The following TMPRSS9 variants were observed in gnomAD, a reference collection of about 807,000 sequenced individuals.
TMPRSS9 encodes the protein transmembrane protease serine 9.
Under a neutral mutation model 111.4 loss-of-function variants are expected in TMPRSS9, and 113 were observed. The ratio of observed to expected loss-of-function variants is 1.01; its 90% CI spans 0.87 to 1.19. TMPRSS9 has a LOEUF of 1.19. Among genes scored for constraint, TMPRSS9 ranks in the 50% most tolerant of loss-of-function variants. The probability of loss-of-function intolerance (pLI) is 0.00; values close to 1 mark genes in which losing one functional copy is unlikely to be tolerated. For missense variants in TMPRSS9, 1,803 were observed against 1,513.1 expected (o/e 1.19, Z -3.18); for synonymous variants, 805 against 659.1 (o/e 1.22, Z -3.39).
rs1027376774 is a variant in TMPRSS9 at position 2,374,248 on chromosome 19, CTTTTTTT to C, written c.-26+13919_-26+13925del. Among the ~76,000 whole-genome samples, 220 of 70,356 alleles carry C rather than the reference CTTTTTTT, an allele frequency of 3.1e-3. 2 individuals are homozygous for C. Among genetic ancestry groups the C allele is most frequent in the Non-Finnish European group, 3.6e-3 (132 of 36,494 alleles). The allele number at this position is 70,356 out of a possible 152,430, so 46.2% of individuals were successfully genotyped here. A position where few individuals can be genotyped will look rare whatever the true frequency, so the allele number is the denominator to read the frequency against. ...TTTCATGCTGATTTCTCTCAACAAT[CTTTTTTT>C]TTTTTTTTTTTTTTTTTTTTTTTTT... On this transcript the variant is annotated intron_variant, in intron 1 of 17. Coordinates refer to the TMPRSS9 transcript ENST00000649857.
At chr19:2,395,030 C>T (rs1196431673) in intron 1 of TMPRSS9, among the ~76,000 whole-genome samples, 1 of 152,200 alleles carries the variant, frequency 6.6e-6, no homozygotes, top group East Asian at 1.9e-4. Context: ...CCTGTCATCC[C>T]GGCACTTTGG....
At chr19:2,401,230 C>T (rs112721542) in intron 4 of TMPRSS9, among the ~76,000 whole-genome samples, 11,431 of 151,990 alleles carry the variant, frequency 0.075, 1,425 homozygotes, top group African/African-American at 0.26. Context: ...GCCGAGATCG[C>T]GCCACTGCTC....
Position 2,399,180 on chromosome 19 carries a change from G to A in TMPRSS9, c.501G>A (p.Ser167=), listed in dbSNP as rs376473008. 2,323 of 1,602,532 alleles carry A rather than the reference G, an allele frequency of 1.4e-3. 65 individuals are homozygous for A. In the South Asian group the frequency reaches 0.025, roughly 17 times the overall value. ...TGGCTGCCTATGGCACAATTGTGTC[G>A]GCTGAGCTCACAGGTGAGTGGGCAG... is the stretch of plus-strand genomic sequence containing the variant. The change falls in exon 4 of 18, where the codon TCG becomes TCA. Residue 167 remains serine (S), a synonymous_variant. Coordinates refer to ENST00000648592, the Ensembl canonical transcript of TMPRSS9.
intron 1 of TMPRSS9, among the ~76,000 whole-genome samples, chr19:2,379,580 A>T (rs72989423): frequency 0.026 from 3,861 of 149,862 alleles, 79 homozygotes; most frequent in Non-Finnish European, 0.041. Context: ...CCCACCCCAC[A>T]CTAGGCCCTG....
At chr19:2,425,549 G>A in intron 17 of TMPRSS9, 56 bp downstream of exon 18, 2 of 1,463,692 alleles carry the variant, frequency 1.4e-6, no homozygotes, top group South Asian at 1.3e-5. Context: ...GGGGAGGGCG[G>A]GTTCCCGCTG....
Position 2,415,625 on chromosome 19 carries a change from G to A in TMPRSS9, c.1574-45G>A, listed in dbSNP as rs377710195. ...ACCACCCCACCGGATGCTCCCACCCGAGCAGGCCAAGATCCCCAGACCTGG... is the reference window on the plus strand; with the variant it reads ...ACCACCCCACCGGATGCTCCCACCCAAGCAGGCCAAGATCCCCAGACCTGG... On this transcript the variant is annotated intron_variant, in intron 10 of 17. Transcript: ENST00000648592. 1.8e-5 allele frequency: 27 copies of A among 1,466,336 alleles called. No individual in the cohort carries two copies. The African/African-American group carries it at 2.4e-4, about 13-fold the overall frequency. The allele number at this position is 1,466,336 out of a possible 1,614,324, so 90.8% of individuals were successfully genotyped here. A position where few individuals can be genotyped will look rare whatever the true frequency, so the allele number is the denominator to read the frequency against.
chr19:2,384,739 T>C (rs1970438658), intron 1 of TMPRSS9, among the ~76,000 whole-genome samples: 1 of 144,660 alleles, frequency 6.9e-6, no homozygotes, highest in Admixed American at 7.3e-5. Context: ...GGTGTGAACC[T>C]GGGAAATGGA....
rs931600769 is a variant in TMPRSS9 at position 2,368,791 on chromosome 19, T to G, written c.-26+8431T>G. ...TAAACCCAGTTTTTTTTTTTTTTTT[T>G]TTTTTTTTTTAAAGACAGAGTCTCA... On this transcript the variant is annotated intron_variant, in intron 1 of 17. Transcript: ENST00000649857. 4.7e-3 allele frequency among the ~76,000 whole-genome samples: 560 copies of G among 119,372 alleles called. 24 individuals are homozygous for G. The highest frequency in any genetic ancestry group is 0.021 in the African/African-American group (541 of 26,332). The allele number at this position is 119,372 out of a possible 152,430, so 78.3% of individuals were successfully genotyped here.
intron 1 of TMPRSS9, among the ~76,000 whole-genome samples, chr19:2,363,813 C>CGCGT (rs1445768519): frequency 5.3e-5 from 6 of 112,804 alleles, no homozygotes; most frequent in African/African-American, 1.0e-4. Context: ...TGCGTGCGCG[C>CGCGT]GTGTGTGTGT....
chr19:2,410,559 G>A (rs552885092), intron 9 of TMPRSS9, among the ~76,000 whole-genome samples, 165 bp downstream of exon 10: 1 of 152,284 alleles, frequency 6.6e-6, no homozygotes, highest in African/African-American at 2.4e-5. Context: ...GCGATTCACA[G>A]ATATCTGGAT....
exon 16 of TMPRSS9, chr19:2,425,131 C>T: frequency 6.3e-7 from 1 of 1,581,572 alleles, no homozygotes; most frequent in South Asian, 1.1e-5. Context: ...TCGACTACGA[C>T]GTGGCGCTGC....
chr19:2,391,395 A>ATTTTTT (rs1568175757), intron 1 of TMPRSS9, among the ~76,000 whole-genome samples: 1 of 145,422 alleles, frequency 6.9e-6, no homozygotes, highest in Non-Finnish European at 1.5e-5. Context: ...TTTTTAAAAA[A>ATTTTTT]TATTTGTGGA....
At chr19:2,390,626 C>T (rs960557017) in intron 1 of TMPRSS9, among the ~76,000 whole-genome samples, 13 of 151,416 alleles carry the variant, frequency 8.6e-5, no homozygotes, top group African/African-American at 1.2e-4. Context: ...GAGGCTGAGG[C>T]GGGAGGACCA....
intron 4 of TMPRSS9, among the ~76,000 whole-genome samples, chr19:2,401,099 C>A (rs750785204): frequency 6.6e-6 from 1 of 151,364 alleles, no homozygotes; most frequent in Non-Finnish European, 1.5e-5. Context: ...ACGGTGAAAC[C>A]CCGTCTCTAC....
intron 5 of TMPRSS9, among the ~76,000 whole-genome samples, chr19:2,402,465 C>T (rs755690447): frequency 5.3e-5 from 8 of 151,562 alleles, no homozygotes; most frequent in Non-Finnish European, 1.0e-4. Context: ...TAAGGCCGGG[C>T]GCACTGGCTC....
intron 10 of TMPRSS9, 84 bp from the exon 12 acceptor site, chr19:2,415,586 A>C: frequency 1.6e-6 from 2 of 1,285,230 alleles, no homozygotes; most frequent in South Asian, 3.5e-5. Context: ...CCTGGCTGCA[A>C]CCGGTGTCCT....
intron 9 of TMPRSS9, among the ~76,000 whole-genome samples, chr19:2,413,328 A>G (rs1971138509): frequency 6.6e-6 from 1 of 152,200 alleles, no homozygotes; most frequent in Non-Finnish European, 1.5e-5. Flanking sequence ...TGCAGCTACC[A>G]GTGAGATATA....
At chr19:2,411,292 T>C (rs1222701656) in intron 9 of TMPRSS9, among the ~76,000 whole-genome samples, 3 of 57,906 alleles carry the variant, frequency 5.2e-5, no homozygotes, top group East Asian at 6.7e-4. Context: ...AAAGCAAGAC[T>C]CTGTCTCAAA....
At chr19:2,384,557 T>G (rs1970432540) in intron 1 of TMPRSS9, among the ~76,000 whole-genome samples, 1 of 152,054 alleles carries the variant, frequency 6.6e-6, no homozygotes, top group African/African-American at 2.4e-5. Context: ...GGCTCACGCC[T>G]GTAATCCCAG....
Sources: gnomAD v4.1 joint callset for allele counts (sites outside exome capture counted in the v4.1 genomes callset) on GRCh38, gnomAD v4.1.1 for gene constraint, MANE v1.5 for transcripts, NCBI Gene and HGNC (gene_info 2026-07-23, HGNC 2026-07-21) for gene names.